The following OR6N2 variants were observed in gnomAD, a reference collection of about 807,000 sequenced individuals.
OR6N2 encodes the protein olfactory receptor 6N2.
For synonymous variants in OR6N2, 160 were observed against 138.3 expected, an observed-to-expected ratio of 1.16 and a Z score of -1.10; for missense variants, 399 against 379.7, an observed-to-expected ratio of 1.05 and a Z score of -0.42.
Position 158,776,586 on chromosome 1 carries a change from AG to A in OR6N2, c.*95del, listed in dbSNP as rs1657599047. ...GAAATGAAGTCTTTGAAGAGGTGAA[AG>A]GAAATGAAATTCAGAGCATGTGTGA... On this transcript the variant is annotated 3_prime_UTR_variant, in exon 2 of 2. Coordinates refer to ENST00000641131, the MANE Select transcript of OR6N2 (RefSeq NM_001005278.2). The A allele has an allele frequency of 1.5e-6, 1 of 675,110 alleles. No individual in the cohort carries two copies. Among genetic ancestry groups the A allele is most frequent in the African/African-American group, 1.8e-5 (1 of 55,580 alleles). 41.8% of individuals were successfully genotyped at this position (675,110 alleles called of 1,614,324 possible).
chr1:158,777,781 A>G, intron 1 of OR6N2, 140 bp from the exon 2 acceptor site: 1 of 595,210 alleles, frequency 1.7e-6, no homozygotes, highest in East Asian at 2.8e-5. Context: ...TATTACTATT[A>G]CTGTAAAAAT....
chr1:158,776,727 C>G lies in OR6N2; in HGVS notation c.909G>C (p.Arg303Ser). The G allele has an allele frequency of 1.2e-6, 2 of 1,612,928 alleles. No homozygotes were observed. The highest frequency in any genetic ancestry group is 1.7e-6 in the Non-Finnish European group (2 of 1,179,404). The change falls in exon 2 of 2, where the codon AGG (arginine) becomes AGC (serine). Residue 303 changes from arginine to serine, a missense_variant. Coordinates refer to ENST00000641131, the MANE Select transcript of OR6N2 (RefSeq NM_001005278.2). ...CTTTATCTCCCTTCTGGAAGATGGT[C>G]CTCTTGATAGCTTTAATGATTTCCT... ...RNKEIIKAIK[R>S]TIFQKGDKAS...
Position 158,777,091 on chromosome 1 carries a change from G to C in OR6N2, c.545C>G (p.Pro182Arg). ...NEIQHIFCDF[P>R]PLLSLACKDT... Reference sequence around the variant, plus strand: ...CTTGCAGGCCAAGCTCAGCAAAGGTGGAAAGTCACAGAAAATGTGTTGGAT... The same window carrying C: ...CTTGCAGGCCAAGCTCAGCAAAGGTCGAAAGTCACAGAAAATGTGTTGGAT... Residue 182 changes from proline (P) to arginine (R), a missense_variant, in exon 2 of 2, where the codon CCA becomes CGA. By Grantham distance (103) the Pro-to-Arg change is moderately radical (BLOSUM62 -2). Coordinates refer to ENST00000641131, the MANE Select transcript of OR6N2 (RefSeq NM_001005278.2). 7.4e-6 allele frequency: 12 copies of C among 1,614,170 alleles called. No homozygotes were observed. Among genetic ancestry groups the C allele is most frequent in the Non-Finnish European group, 1.0e-5 (12 of 1,180,008 alleles).
rs1657592002 is a variant in OR6N2, at chr1:158,776,309, C to G, written c.*373G>C. ...AAAATATTAGTTGGAAGGTCTGAGC[C>G]AAAATAAGATTGGAATGGGTTGAGA... On this transcript the variant is annotated 3_prime_UTR_variant, in exon 2 of 2. Coordinates refer to ENST00000641131, the MANE Select transcript of OR6N2 (RefSeq NM_001005278.2). The G allele has an allele frequency of 6.3e-6, 1 of 159,462 alleles. No individual in the cohort carries two copies. Among genetic ancestry groups the G allele is most frequent in the Non-Finnish European group, 1.4e-5 (1 of 73,468 alleles). The allele number at this position is 159,462 out of a possible 1,614,324, so 9.9% of individuals were successfully genotyped here. A position where few individuals can be genotyped will look rare whatever the true frequency, so the allele number is the denominator to read the frequency against.
At chr1:158,779,723 A>ATCTC (rs1202209321) in intron 1 of OR6N2, among the ~76,000 whole-genome samples, 2 of 152,226 alleles carry the variant, frequency 1.3e-5, no homozygotes, top group African/African-American at 4.8e-5. Flanking sequence ...CTTCTAAGTC[A>ATCTC]TCTCTCTTCT....
intron 1 of OR6N2, among the ~76,000 whole-genome samples, 178 bp from the exon 2 acceptor site, chr1:158,777,819 A>C (rs1425569808): frequency 6.6e-6 from 1 of 152,204 alleles, no homozygotes; most frequent in Non-Finnish European, 1.5e-5. Context: ...ATTAGCACTT[A>C]CTATTCATCA....
chr1:158,777,317 A>G lies in OR6N2; in HGVS notation c.319T>C (p.Leu107=). 6.2e-7 allele frequency: 1 copy of G among 1,614,182 alleles called. No individual in the cohort carries two copies. ...CLLQTYFFHS[L]GASECYLLTA... ...AGAAGGTAGCATTCAGACGCTCCCA[A>G]GGAGTGGAAGAAGTAGGTCTGAAGG... The change falls in exon 2 of 2, where the codon TTG becomes CTG. Residue 107 remains leucine (L), a synonymous_variant. Transcript: ENST00000641131.
chr1:158,776,656 A>G lies in OR6N2; in HGVS notation c.*26T>C. 1 of 1,348,082 alleles carries G rather than the reference A, an allele frequency of 7.4e-7. No individual in the cohort carries two copies. The highest frequency in any genetic ancestry group is 1.9e-5 in the Admixed American group (1 of 51,894). The allele number at this position is 1,348,082 out of a possible 1,614,324, so 83.5% of individuals were successfully genotyped here. On this transcript the variant is annotated 3_prime_UTR_variant, in exon 2 of 2. Coordinates refer to ENST00000641131, the MANE Select transcript of OR6N2 (RefSeq NM_001005278.2). ...AGGAACTTTTATGAATTGAACATTGAGGTGAGAAAGGACATGGGAAGAAAG... is the reference window on the plus strand; with the variant it reads ...AGGAACTTTTATGAATTGAACATTGGGGTGAGAAAGGACATGGGAAGAAAG...
Position 158,777,426 on chromosome 1 carries a change from C to G in OR6N2, c.210G>C (p.Glu70Asp). Reference sequence around the variant, plus strand: ...GGATAGTGGTAGCTGTATACCACAACTCCAAGAAGGAAAGAACACTGACAA... The same window carrying G: ...GGATAGTGGTAGCTGTATACCACAAGTCCAAGAAGGAAAGAACACTGACAA... ...YHFVSVLSFLELWYTATTIPK... is the reference protein window; with the variant it reads ...YHFVSVLSFLDLWYTATTIPK... Residue 70 changes from glutamate (E) to aspartate (D), a missense_variant, in exon 2 of 2, where the codon GAG (glutamate) becomes GAC (aspartate). Transcript: ENST00000641131. The G allele has an allele frequency of 6.2e-7, 1 of 1,614,134 alleles. No individual in the cohort carries two copies. Among genetic ancestry groups the G allele is most frequent in the South Asian group, 1.1e-5 (1 of 91,082 alleles).
chr1:158,777,414 T>A lies in OR6N2; in HGVS notation c.222A>T (p.Thr74=). 1 of 1,613,908 alleles carries A rather than the reference T, an allele frequency of 6.2e-7. No homozygotes were observed. The highest frequency in any genetic ancestry group is 1.1e-5 in the South Asian group (1 of 91,078). The part of the protein sequence containing the change: ...SVLSFLELWY[T]ATTIPKMLSN... ...ACAACATCTTAGGGATAGTGGTAGC[T>A]GTATACCACAACTCCAAGAAGGAAA... The change falls in exon 2 of 2, where the codon ACA becomes ACT. Residue 74 remains threonine (T), a synonymous_variant. Coordinates refer to ENST00000641131, the MANE Select transcript of OR6N2 (RefSeq NM_001005278.2).
rs1279033838 is a variant in OR6N2 at position 158,777,322 on chromosome 1, T to G, written c.314A>C (p.His105Pro). 6.2e-7 allele frequency: 1 copy of G among 1,613,586 alleles called. No homozygotes were observed. Among genetic ancestry groups the G allele is most frequent in the Admixed American group, 1.7e-5 (1 of 59,954 alleles). ...GTAGCATTCAGACGCTCCCAAGGAGTGGAAGAAGTAGGTCTGAAGGAGGCA... is the reference window on the plus strand; with the variant it reads ...GTAGCATTCAGACGCTCCCAAGGAGGGGAAGAAGTAGGTCTGAAGGAGGCA... ...AGCLLQTYFF[H>P]SLGASECYLL... The change falls in exon 2 of 2, where the codon CAC becomes CCC. Residue 105 changes from histidine (H) to proline (P), a missense_variant. By Grantham distance (77) the His-to-Pro change is moderately conservative (BLOSUM62 -2). Coordinates refer to ENST00000641131, the MANE Select transcript of OR6N2 (RefSeq NM_001005278.2).
rs191578274 is a variant in OR6N2 at position 158,780,039 on chromosome 1, C to A, written c.-7+1131G>T. On this transcript the variant is annotated intron_variant, in intron 1 of 1. Transcript: ENST00000641131. ...TTAGCCTAAATTTAAGTTACATTTT[C>A]TCTTTTGCACCTGAACACATCCCTT... is the stretch of plus-strand genomic sequence containing the variant. Among the ~76,000 whole-genome samples, 3 of 152,242 alleles carry A rather than the reference C, an allele frequency of 2.0e-5. No individual in the cohort carries two copies. In the East Asian group the frequency reaches 5.8e-4, roughly 29 times the overall value.
Position 158,774,352 on chromosome 1 carries a change from T to TA in OR6N2, c.*2329dup, listed in dbSNP as rs1005165622. 11 of 152,160 alleles carry TA rather than the reference T, an allele frequency of 7.2e-5. No individual in the cohort carries two copies. Among genetic ancestry groups the TA allele is most frequent in the Admixed American group, 6.5e-4 (10 of 15,278 alleles). The allele number at this position is 152,160 out of a possible 1,614,324, so 9.4% of individuals were successfully genotyped here. A position where few individuals can be genotyped will look rare whatever the true frequency, so the allele number is the denominator to read the frequency against. On this transcript the variant is annotated 3_prime_UTR_variant, in exon 2 of 2. Coordinates refer to ENST00000641131, the MANE Select transcript of OR6N2 (RefSeq NM_001005278.2). The stretch of plus-strand genomic sequence containing the variant: ...TACCTAGTTCATGAACCTGCTGAGA[T>TA]AAAACACACAACAAATCAAGAAAAG...
rs1657560913 is a variant in OR6N2, at chr1:158,775,182, A to G, written c.*1500T>C. The G allele has an allele frequency of 6.6e-6, 1 of 152,226 alleles. No individual in the cohort carries two copies. The highest frequency in any genetic ancestry group is 2.1e-4 in the South Asian group (1 of 4,830). The allele number at this position is 152,226 out of a possible 1,614,324, so 9.4% of individuals were successfully genotyped here. A position where few individuals can be genotyped will look rare whatever the true frequency, so the allele number is the denominator to read the frequency against. On this transcript the variant is annotated 3_prime_UTR_variant, in exon 2 of 2. Transcript: ENST00000641131. ...GCCATACATATTTTGAAGAGAAGCA[A>G]AACATACTTCAGAGATAAAAATGAG... is the stretch of plus-strand genomic sequence containing the variant.
rs779911544 is a variant in OR6N2 at position 158,776,884 on chromosome 1, A to AAG, written c.750_751dup (p.Phe251SerfsTer13). On this transcript the variant is annotated frameshift_variant, in exon 2 of 2. Transcript: ENST00000641131. LOFTEE classifies it low-confidence loss of function (END_TRUNC). ...ATACATGAAGATGATGCTCCCAAAGAAGATGAGGACCACAGCAAGATGTGA... is the reference window on the plus strand; with the variant it reads ...ATACATGAAGATGATGCTCCCAAAGAAGAGATGAGGACCACAGCAAGATGTGA... 6.2e-7 allele frequency: 1 copy of AAG among 1,614,180 alleles called. No homozygotes were observed. The highest frequency in any genetic ancestry group is 2.2e-5 in the East Asian group (1 of 44,878).
chr1:158,777,299 A>G lies in OR6N2; in HGVS notation c.337T>C (p.Tyr113His). ...FFHSLGASEC[Y>H]LLTAMAYDRY... Reference sequence around the variant, plus strand: ...TCATAGGCCATGGCTGTAAGAAGGTAGCATTCAGACGCTCCCAAGGAGTGG... The same window carrying G: ...TCATAGGCCATGGCTGTAAGAAGGTGGCATTCAGACGCTCCCAAGGAGTGG... Residue 113 changes from tyrosine to histidine, a missense_variant, in exon 2 of 2, where the codon TAC becomes CAC. Transcript: ENST00000641131. 1 of 1,614,174 alleles carries G rather than the reference A, an allele frequency of 6.2e-7. No homozygotes were observed. Among genetic ancestry groups the G allele is most frequent in the South Asian group, 1.1e-5 (1 of 91,086 alleles).
chr1:158,777,734 A>G, intron 1 of OR6N2, 93 bp from the exon 2 acceptor site: 1 of 725,500 alleles, frequency 1.4e-6, no homozygotes, highest in Non-Finnish European at 2.3e-6. Context: ...TTTTAACTTA[A>G]AAGTAGCACT....
Position 158,776,907 on chromosome 1 carries a change from T to G in OR6N2, c.729A>C (p.Ser243=), listed in dbSNP as rs1220785569. ...GRKKAFSTCA[S]HLAVVLIFFG... ...AGAAGATGAGGACCACAGCAAGATGTGAGGCACAGGTAGAAAAGGCCTTCT... is the reference window on the plus strand; with the variant it reads ...AGAAGATGAGGACCACAGCAAGATGGGAGGCACAGGTAGAAAAGGCCTTCT... The change falls in exon 2 of 2, where the codon TCA becomes TCC. Residue 243 remains serine, a synonymous_variant. Transcript: ENST00000641131. 2 of 1,614,120 alleles carry G rather than the reference T, an allele frequency of 1.2e-6. No homozygotes were observed. The highest frequency in any genetic ancestry group is 1.7e-6 in the Non-Finnish European group (2 of 1,179,998).
Sources: gnomAD v4.1 joint callset for allele counts (sites outside exome capture counted in the v4.1 genomes callset) on GRCh38, gnomAD v4.1.1 for gene constraint, MANE v1.5 for transcripts, NCBI Gene and HGNC (gene_info 2026-07-23, HGNC 2026-07-21) for gene names.